The following PTPRD variants were observed in gnomAD, a reference collection of about 807,000 sequenced individuals.
PTPRD encodes the protein protein tyrosine phosphatase receptor type D, also known as receptor-type tyrosine-protein phosphatase delta.
PTPRD carries 34 observed loss-of-function variants against 214.5 expected under a neutral mutation model. That is an observed-to-expected ratio of 0.16 (90% CI 0.12 to 0.21). The LOEUF is 0.21. PTPRD is among the 10% of genes least tolerant of loss of function. The pLI is 1.00. For missense variants in PTPRD, 2,545 were observed against 2,398.7 expected, an observed-to-expected ratio of 1.06 and a Z score of -1.27; for synonymous variants, 1,128 against 845.7, an observed-to-expected ratio of 1.33 and a Z score of -5.79.
intron 9 of PTPRD, among the ~76,000 whole-genome samples, chr9:9,230,415 A>G (rs7018892): frequency 0.88 from 133,051 of 152,054 alleles, 58,883 homozygotes; most frequent in Non-Finnish European, 0.94. Context: ...CTGAGTAAAT[A>G]TAAGTACAGT....
chr9:9,204,082 AT>A (rs1026081629), intron 9 of PTPRD, among the ~76,000 whole-genome samples: 9 of 152,180 alleles, frequency 5.9e-5, no homozygotes, highest in African/African-American at 2.2e-4. Flanking sequence ...TACTGGCTGC[AT>A]TACTGCTAAA....
intron 7 of PTPRD, among the ~76,000 whole-genome samples, chr9:9,671,440 ATGAGT>A (rs138054301): frequency 0.24 from 36,695 of 151,740 alleles, 5,390 homozygotes; most frequent in Non-Finnish European, 0.33. Flanking sequence ...TAATGCTGAA[ATGAGT>A]TAAGTCTTTG....
chr9:9,863,962 T>C (rs1385456789), intron 5 of PTPRD, among the ~76,000 whole-genome samples: 1 of 152,224 alleles, frequency 6.6e-6, no homozygotes, highest in African/African-American at 2.4e-5. Context: ...TTCTCATTTA[T>C]TACTTGCTAG....
At chr9:9,818,155 A>G (rs994889298) in intron 5 of PTPRD, among the ~76,000 whole-genome samples, 4 of 152,148 alleles carry the variant, frequency 2.6e-5, no homozygotes, top group African/African-American at 7.2e-5. Context: ...TTTAGAAATA[A>G]TATGTATTTT....
At chr9:10,245,770 G>C (rs991643612) in intron 3 of PTPRD, among the ~76,000 whole-genome samples, 1 of 152,144 alleles carries the variant, frequency 6.6e-6, no homozygotes, top group Admixed American at 6.6e-5. Flanking sequence ...GATGTGGCAG[G>C]GAGAGAGATT....
chr9:9,272,282 T>A (rs1337057035), intron 9 of PTPRD, among the ~76,000 whole-genome samples: 2 of 151,058 alleles, frequency 1.3e-5, no homozygotes, highest in Non-Finnish European at 3.0e-5. Flanking sequence ...GCAGGCACAC[T>A]TTAATTTTAA....
Position 9,852,019 on chromosome 9 carries a change from T to C in PTPRD, c.-367-85168A>G, listed in dbSNP as rs1599759045. On this transcript the variant is annotated intron_variant, in intron 5 of 45. Transcript: ENST00000381196. The stretch of plus-strand genomic sequence containing the variant: ...GATTTAACATGGAAATTTCTCTTCC[T>C]GAAGTACAGAATATAGTATATAACT... Among the ~76,000 whole-genome samples, 6 of 152,294 alleles carry C rather than the reference T, an allele frequency of 3.9e-5. No individual in the cohort carries two copies. In the South Asian group the frequency reaches 1.2e-3, roughly 32 times the overall value.
At chr9:8,900,183 T>C (rs1487332256) in intron 11 of PTPRD, among the ~76,000 whole-genome samples, 1 of 152,162 alleles carries the variant, frequency 6.6e-6, no homozygotes, top group Non-Finnish European at 1.5e-5. Flanking sequence ...ATAAAATAAT[T>C]AGGTTCAAAG....
chr9:10,418,352 C>A (rs1304214747), intron 2 of PTPRD, among the ~76,000 whole-genome samples: 1 of 150,854 alleles, frequency 6.6e-6, no homozygotes. Context: ...ATCCCTTTGC[C>A]CTTGGTTAAT....
At chr9:10,171,083 C>A (rs1305046496) in intron 3 of PTPRD, among the ~76,000 whole-genome samples, 1 of 152,166 alleles carries the variant, frequency 6.6e-6, no homozygotes, top group African/African-American at 2.4e-5. Context: ...ATGCCCCAAA[C>A]AGCAACAATG....
intron 37 of PTPRD, among the ~76,000 whole-genome samples, chr9:8,382,260 A>T (rs2085343219): frequency 6.6e-6 from 1 of 152,246 alleles, no homozygotes; most frequent in South Asian, 2.1e-4. Context: ...GATAAAGAAC[A>T]GAGAAAAACC....
chr9:9,849,897 G>A (rs754787559), intron 5 of PTPRD, among the ~76,000 whole-genome samples: 5 of 152,104 alleles, frequency 3.3e-5, no homozygotes, highest in Non-Finnish European at 7.4e-5. Flanking sequence ...AAAAGTCAAG[G>A]AAGAGCATGG....
chr9:9,552,582 T>C lies in PTPRD; in HGVS notation c.-237+22150A>G, dbSNP rs181203296. On this transcript the variant is annotated intron_variant, in intron 8 of 45. Transcript: ENST00000381196. ...TACTTGCTTCTCTGTAGTAAGCCTA[T>C]AGCAAACTTCTTCTGTCTAATGACC... 1.1e-4 allele frequency among the ~76,000 whole-genome samples: 16 copies of C among 152,208 alleles called. No homozygotes were observed. The East Asian group carries it at 3.1e-3, about 29-fold the overall frequency.
At chr9:10,598,649 T>G (rs2077152392) in intron 2 of PTPRD, among the ~76,000 whole-genome samples, 2 of 150,658 alleles carry the variant, frequency 1.3e-5, no homozygotes, top group Admixed American at 1.3e-4. Flanking sequence ...GTGAATTAAA[T>G]GTTTTGAACC....
intron 3 of PTPRD, among the ~76,000 whole-genome samples, chr9:10,047,213 C>G (rs1301727272): frequency 1.3e-5 from 2 of 151,822 alleles, no homozygotes; most frequent in Non-Finnish European, 2.9e-5. Flanking sequence ...GTGCAAATCT[C>G]TGCTCCAAAC....
intron 9 of PTPRD, among the ~76,000 whole-genome samples, chr9:9,331,644 A>G (rs1428338712): frequency 6.6e-6 from 1 of 152,068 alleles, no homozygotes; most frequent in Non-Finnish European, 1.5e-5. Context: ...AGATTCTCAG[A>G]GTGTACCAAT....
At chr9:9,105,565 T>C (rs760388899) in intron 10 of PTPRD, among the ~76,000 whole-genome samples, 5 of 152,200 alleles carry the variant, frequency 3.3e-5, no homozygotes, top group Non-Finnish European at 1.5e-5. Flanking sequence ...GGTTACTCCA[T>C]AAATTGAAAT....
At chr9:10,179,699 A>T (rs2099270710) in intron 3 of PTPRD, among the ~76,000 whole-genome samples, 1 of 152,100 alleles carries the variant, frequency 6.6e-6, no homozygotes. Flanking sequence ...AAACACAATA[A>T]GGTAAATAAC....
intron 2 of PTPRD, among the ~76,000 whole-genome samples, chr9:10,592,552 C>G (rs2075716588): frequency 6.6e-6 from 1 of 151,854 alleles, no homozygotes; most frequent in Admixed American, 6.6e-5. Context: ...AATATGTCTA[C>G]TGGTAGTGAG....
Sources: allele counts gnomAD v4.1 joint callset (sites outside exome capture counted in the v4.1 genomes callset), GRCh38; gene constraint gnomAD v4.1.1; transcripts MANE v1.5; gene names NCBI Gene and HGNC (gene_info 2026-07-23, HGNC 2026-07-21).